Variants in SHOC1 observed in about 807,000 individuals in gnomAD.
The protein encoded by SHOC1 is protein shortage in chiasmata 1 ortholog.
A neutral mutation model predicts 179.2 loss-of-function variants in SHOC1; 136 were observed. That is an observed-to-expected ratio of 0.76 (90% CI 0.66 to 0.87). SHOC1 has a LOEUF of 0.87. Among genes scored for constraint, SHOC1 ranks in the 40% least tolerant of loss-of-function variants. The pLI is 0.00. For missense variants in SHOC1, 1,538 were observed against 1,700.8 expected (o/e 0.90, Z 1.68); for synonymous variants, 489 against 586.6 (o/e 0.83, Z 2.41).
At chr9:111,723,968 T>A (rs1218481011) in intron 13 of SHOC1, 57 bp from the exon 14 acceptor site, 14 of 1,285,618 alleles carry the variant, frequency 1.1e-5, no homozygotes, top group Non-Finnish European at 1.5e-5. Flanking sequence ...CTTAATGTTG[T>A]TTTACCTTAA....
In SHOC1 at chr9:111,686,872, T is replaced by A. The variant is rs759206550; in HGVS notation, c.4427-2A>T. 1.3e-6 allele frequency: 2 copies of A among 1,597,936 alleles called. No individual in the cohort carries two copies. Among genetic ancestry groups the A allele is most frequent in the Non-Finnish European group, 1.7e-6 (2 of 1,167,978 alleles). Reference sequence around the variant, plus strand: ...GTGGTAGTTGTGAGCACATAAAACCTGTTAAAAGGAGAAAAAGGAAAACCA... The same window carrying A: ...GTGGTAGTTGTGAGCACATAAAACCAGTTAAAAGGAGAAAAAGGAAAACCA... On this transcript the variant is annotated splice_acceptor_variant, in intron 27 of 27. Coordinates refer to ENST00000682961, the MANE Select transcript of SHOC1 (RefSeq NM_001378211.1). LOFTEE classifies it high-confidence loss of function.
rs778147980 is a variant in SHOC1 at position 111,727,754 on chromosome 9, A to G, written c.1713T>C (p.Ser571=). ...TCTCTTGTTTTTTGCCATGTTCAAA[A>G]GATGCTTTTTTAATTATTGAAGAGG... ...SPSSSIIKKA[S]FEHGKKQEND... Residue 571 remains serine (S), a synonymous_variant, in exon 13 of 28, where the codon TCT becomes TCC. Coordinates refer to ENST00000682961, the MANE Select transcript of SHOC1 (RefSeq NM_001378211.1). 1.2e-6 allele frequency: 2 copies of G among 1,613,458 alleles called. No individual in the cohort carries two copies. Among genetic ancestry groups the G allele is most frequent in the Non-Finnish European group, 1.7e-6 (2 of 1,179,672 alleles).
At chr9:111,703,079 C>T (rs1358911) in intron 22 of SHOC1, among the ~76,000 whole-genome samples, 77,837 of 151,950 alleles carry the variant, frequency 0.51, 21,255 homozygotes, top group East Asian at 0.87. Flanking sequence ...CATTGCACTC[C>T]GGGCTGGGCA....
Position 111,692,145 on chromosome 9 carries a change from T to C in SHOC1, c.3832A>G (p.Arg1278Gly). The C allele has an allele frequency of 6.2e-7, 1 of 1,613,734 alleles. No individual in the cohort carries two copies. Among genetic ancestry groups the C allele is most frequent in the Non-Finnish European group, 8.5e-7 (1 of 1,179,824 alleles). Residue 1278 changes from arginine to glycine, a missense_variant, in exon 27 of 28, where the codon AGA becomes GGA. Coordinates refer to ENST00000682961, the MANE Select transcript of SHOC1 (RefSeq NM_001378211.1). ...TTTAGAAAGGAGTTATAAGCCGGTC[T>C]CCTTGATTCTATATTAATTAGAAAA... ...TPFLINIESR[R>G]PAYNSFLNHS...
At chr9:111,763,151 A>C (rs7028787) in intron 5 of SHOC1, among the ~76,000 whole-genome samples, 62,201 of 151,600 alleles carry the variant, frequency 0.41, 14,223 homozygotes, top group East Asian at 0.77. Context: ...AAAATAAATG[A>C]TATATAAAAT....
chr9:111,734,858 G>A (rs1485373738), intron 12 of SHOC1, among the ~76,000 whole-genome samples: 2 of 152,100 alleles, frequency 1.3e-5, no homozygotes, highest in Admixed American at 6.6e-5. Flanking sequence ...GGAGTACATG[G>A]GCAGGTTTGT....
At chr9:111,763,221 A>G (rs1835212038) in intron 5 of SHOC1, among the ~76,000 whole-genome samples, 1 of 152,034 alleles carries the variant, frequency 6.6e-6, no homozygotes, top group African/African-American at 2.4e-5. Context: ...ATAAATGAAC[A>G]ATAGGAGATT....
chr9:111,730,963 T>A (rs1464362475), intron 12 of SHOC1, among the ~76,000 whole-genome samples: 1 of 152,244 alleles, frequency 6.6e-6, no homozygotes, highest in Non-Finnish European at 1.5e-5. Flanking sequence ...AGCTTCTACA[T>A]TTGCACTTGT....
intron 24 of SHOC1, among the ~76,000 whole-genome samples, chr9:111,694,663 A>C (rs1044887431): frequency 2.0e-5 from 3 of 152,074 alleles, no homozygotes; most frequent in Admixed American, 2.0e-4. Flanking sequence ...CTATATTAGA[A>C]AAATCAGCAA....
chr9:111,793,722 G>A, intron 1 of SHOC1, among the ~76,000 whole-genome samples: 1 of 135,248 alleles, frequency 7.4e-6, no homozygotes. Flanking sequence ...TATTTCTTTT[G>A]TGCTACTTCC....
intron 13 of SHOC1, among the ~76,000 whole-genome samples, chr9:111,724,523 A>G (rs115614756): frequency 2.5e-4 from 38 of 151,622 alleles, no homozygotes; most frequent in African/African-American, 8.9e-4. Context: ...TTTTAAATTT[A>G]TTATTATTAT....
chr9:111,748,235 C>A, intron 8 of SHOC1, 36 bp from the exon 9 acceptor site: 1 of 1,408,976 alleles, frequency 7.1e-7, no homozygotes, highest in Non-Finnish European at 1.0e-6. Flanking sequence ...AGCAAATGTA[C>A]CATTAAATTA....
chr9:111,736,717 G>T (rs1833826375), intron 12 of SHOC1, among the ~76,000 whole-genome samples: 1 of 152,110 alleles, frequency 6.6e-6, no homozygotes, highest in African/African-American at 2.4e-5. Flanking sequence ...TGCCGAGTGG[G>T]ACCTAATGAA....
At chr9:111,743,114 CTG>C (rs943814304) in intron 10 of SHOC1, among the ~76,000 whole-genome samples, 1 of 152,108 alleles carries the variant, frequency 6.6e-6, no homozygotes, top group Admixed American at 6.5e-5. Context: ...ATATTGTTAA[CTG>C]GGTATTATTT....
At position 111,705,254 on chromosome 9, in the gene SHOC1, C is replaced by A. The variant is rs758372873; in HGVS notation, c.2848G>T (p.Glu950Ter). Residue 950 changes from glutamate (E) to a stop codon, truncating the protein, a stop_gained, in exon 21 of 28, where the codon GAA becomes TAA. Coordinates refer to ENST00000682961, the MANE Select transcript of SHOC1 (RefSeq NM_001378211.1). LOFTEE classifies it high-confidence loss of function. Reference protein sequence around the residue: ...LNTPDILQLLESNYNISLVER... With the variant: ...LNTPDILQLL Reference sequence around the variant, plus strand: ...GTGAAATCAATAACTTACTTGGATTCTAGCAGCTGAAGTATGTCTGGAGTA... The same window carrying A: ...GTGAAATCAATAACTTACTTGGATTATAGCAGCTGAAGTATGTCTGGAGTA... 6.6e-7 allele frequency: 1 copy of A among 1,513,528 alleles called. No individual in the cohort carries two copies. The highest frequency in any genetic ancestry group is 2.0e-5 in the Admixed American group (1 of 49,436). 93.8% of individuals were successfully genotyped at this position (1,513,528 alleles called of 1,614,324 possible). A position where few individuals can be genotyped will look rare whatever the true frequency, so the allele number is the denominator to read the frequency against.
Position 111,686,861 on chromosome 9 carries a change from C to T in SHOC1, c.4436G>A (p.Cys1479Tyr), listed in dbSNP as rs1325776950. ...TTTTTTGAATTGTGGTAGTTGTGAG[C>T]ACATAAAACCTGTTAAAAGGAGAAA... ...GDKESLTGFM[C>Y]SQLPQFKKRR... is the part of the protein sequence containing the mutation. Residue 1479 changes from cysteine (C) to tyrosine (Y), a missense_variant, in exon 28 of 28, where the codon TGC (cysteine) becomes TAC (tyrosine). Cys to Tyr is a radical substitution (Grantham distance 194). Coordinates refer to ENST00000682961, the MANE Select transcript of SHOC1 (RefSeq NM_001378211.1). The T allele has an allele frequency of 1.1e-5, 17 of 1,607,722 alleles. No homozygotes were observed. The highest frequency in any genetic ancestry group is 1.4e-5 in the Non-Finnish European group (17 of 1,175,592).
intron 10 of SHOC1, 109 bp downstream of exon 10, chr9:111,746,125 T>A (rs1227713844): frequency 4.7e-6 from 3 of 636,162 alleles, no homozygotes; most frequent in Non-Finnish European, 8.2e-6. Flanking sequence ...TACTAGCTCT[T>A]AAATTTTTTC....
At chr9:111,705,443 T>C (rs1216969697) in intron 20 of SHOC1, 79 bp from the exon 21 acceptor site, 2 of 594,996 alleles carry the variant, frequency 3.4e-6, no homozygotes, top group Non-Finnish European at 5.7e-6. Flanking sequence ...TTACTAAACA[T>C]GAGGATAAGT....
chr9:111,690,934 C>T (rs190682551), intron 27 of SHOC1, among the ~76,000 whole-genome samples: 5 of 152,264 alleles, frequency 3.3e-5, no homozygotes, highest in East Asian at 1.9e-4. Flanking sequence ...CACCTTTGTA[C>T]GGCTGTTAGA....
Sources: allele counts gnomAD v4.1 joint callset (sites outside exome capture counted in the v4.1 genomes callset), GRCh38; gene constraint gnomAD v4.1.1; transcripts MANE v1.5; gene names NCBI Gene and HGNC (gene_info 2026-07-23, HGNC 2026-07-21).